VWF: variants seen among roughly 807,000 people sequenced by gnomAD.
VWF encodes the protein von Willebrand factor.
Under a neutral mutation model 308.6 loss-of-function variants are expected in VWF, and 176 were observed. The ratio of observed to expected loss-of-function variants is 0.57; its 90% CI spans 0.50 to 0.65. The LOEUF is 0.65. VWF is among the 30% of genes least tolerant of loss of function. The pLI, the probability that VWF is intolerant of heterozygous loss-of-function variation, is 0.00. For synonymous variants in VWF, 1,385 were observed against 1,443.4 expected, an observed-to-expected ratio of 0.96 and a Z score of 0.92; for missense variants, 3,146 against 3,648.2, an observed-to-expected ratio of 0.86 and a Z score of 3.55.
rs1944611675 is a variant in VWF, at chr12:6,058,190, G to A, written c.1534-146C>T. 3 of 902,942 alleles carry A rather than the reference G, an allele frequency of 3.3e-6. No individual in the cohort carries two copies. Among genetic ancestry groups the A allele is most frequent in the Non-Finnish European group, 5.0e-6 (3 of 604,998 alleles). 55.9% of individuals were successfully genotyped at this position (902,942 alleles called of 1,614,324 possible). The stretch of plus-strand genomic sequence containing the variant: ...TGTAATAAAAGGCAGCTAAGCCCTA[G>A]GCTGCAAAAGGGGGGGCGGGGGAAA... On this transcript the variant is annotated intron_variant, in intron 13 of 51. Coordinates refer to ENST00000261405, the MANE Select transcript of VWF (RefSeq NM_000552.5). The surrounding 1 kb of genome is among the most constrained non-coding windows in gnomAD (Gnocchi z 4.9).
At chr12:6,037,488 G>A (rs1048762151) in intron 18 of VWF, among the ~76,000 whole-genome samples, 18 of 152,220 alleles carry the variant, frequency 1.2e-4, no homozygotes, top group Non-Finnish European at 1.3e-4. Context: ...AACTACTTTC[G>A]TGAGCATGTT....
At chr12:5,966,095 G>A (rs1277971024) in intron 47 of VWF, among the ~76,000 whole-genome samples, 2 of 152,290 alleles carry the variant, frequency 1.3e-5, no homozygotes, top group East Asian at 1.9e-4. Context: ...CTGCCCTCCA[G>A]AGAGCAGGCT....
chr12:6,091,443 C>A (rs900760971), intron 6 of VWF, among the ~76,000 whole-genome samples: 2 of 152,178 alleles, frequency 1.3e-5, no homozygotes, highest in Non-Finnish European at 2.9e-5. Context: ...AGATAAATTA[C>A]ACCACCAATT....
In VWF at chr12:5,981,948, G is replaced by A; in HGVS notation, c.7125C>T (p.Cys2375=). Residue 2375 remains cysteine, a synonymous_variant, in exon 42 of 52, where the codon TGC becomes TGT. Transcript: ENST00000261405. The stretch of plus-strand genomic sequence containing the variant: ...GAAGGGTGGGCAAACGGTGCGGGGG[G>A]CAGGAGGGTGGGGACACTCTTTTGC... ...EECKRVSPPS[C]PPHRLPTLRK... 6.2e-7 allele frequency: 1 copy of A among 1,610,582 alleles called. No individual in the cohort carries two copies. The highest frequency in any genetic ancestry group is 8.5e-7 in the Non-Finnish European group (1 of 1,178,200).
In VWF at chr12:6,075,432, C is replaced by G. The variant is rs772735264; in HGVS notation, c.777G>C (p.Gly259=). 2 of 1,614,176 alleles carry G rather than the reference C, an allele frequency of 1.2e-6. No individual in the cohort carries two copies. Among genetic ancestry groups the G allele is most frequent in the Middle Eastern group, 3.3e-4 (2 of 6,062 alleles). The change falls in exon 7 of 52, where the codon GGG becomes GGC. Residue 259 remains glycine, a synonymous_variant. Coordinates refer to ENST00000261405, the MANE Select transcript of VWF (RefSeq NM_000552.5). This position sits in a 1 kb window ranked among gnomAD's most constrained non-coding sequence, Gnocchi z 4.7. ...GGGCAGGGCAGGCGCACTCCAGCCC[C>G]CCAGCACACTCACACAAAGTCTTCT... is the stretch of plus-strand genomic sequence containing the variant. The part of the protein sequence containing the change: ...LCEKTLCECA[G]GLECACPALL...
At chr12:5,968,660 G>A (rs910230740) in intron 45 of VWF, among the ~76,000 whole-genome samples, 5 of 152,080 alleles carry the variant, frequency 3.3e-5, no homozygotes, top group African/African-American at 1.2e-4. Flanking sequence ...GCCGAGTGTG[G>A]TGGCGCACGC....
rs546353049 is a variant in VWF, at chr12:6,022,500, G to C, written c.3538+240C>G. ...CCACTGCAGAAAGTTCTATCGGCAG[G>C]GGCTGCTTTAGGTGAGAATCCCATA... is the stretch of plus-strand genomic sequence containing the variant. On this transcript the variant is annotated intron_variant, in intron 26 of 51. Coordinates refer to ENST00000261405, the MANE Select transcript of VWF (RefSeq NM_000552.5). Among the ~76,000 whole-genome samples, 16 of 150,592 alleles carry C rather than the reference G, an allele frequency of 1.1e-4. No individual in the cohort carries two copies. The East Asian group carries it at 3.1e-3, about 30-fold the overall frequency.
intron 19 of VWF, among the ~76,000 whole-genome samples, chr12:6,035,143 G>A (rs1034299919): frequency 1.3e-5 from 2 of 152,274 alleles, no homozygotes; most frequent in East Asian, 3.9e-4. Context: ...TTATGAATTC[G>A]CTCAGCCTCA....
chr12:6,036,222 T>C (rs1173828824), intron 19 of VWF, among the ~76,000 whole-genome samples, 166 bp downstream of exon 19: 1 of 152,166 alleles, frequency 6.6e-6, no homozygotes, highest in Non-Finnish European at 1.5e-5. Flanking sequence ...ATGAAAAAGA[T>C]TCTCCCCATT....
rs1215345474 is a variant in VWF, at chr12:6,046,288, TTCTC to T, written c.2281+431_2281+434del. On this transcript the variant is annotated intron_variant, in intron 17 of 51. Coordinates refer to ENST00000261405, the MANE Select transcript of VWF (RefSeq NM_000552.5). The surrounding 1 kb of genome is among the most constrained non-coding windows in gnomAD (Gnocchi z 5.0). ...AGAGCAACGGACCCAACCCTTCTCTTTCTCTCTTTCAAACCCATCCAAGAAGCTT... is the reference window on the plus strand; with the variant it reads ...AGAGCAACGGACCCAACCCTTCTCTTTCTTTCAAACCCATCCAAGAAGCTT... 6.6e-6 allele frequency among the ~76,000 whole-genome samples: 1 copy of T among 152,130 alleles called. No individual in the cohort carries two copies. The highest frequency in any genetic ancestry group is 1.5e-5 in the Non-Finnish European group (1 of 68,028).
In VWF at chr12:5,952,387, T is replaced by C. The variant is rs768136976; in HGVS notation, c.8115+4A>G. ...GTAAAGAGGAAAGCAGAATGAGTAC[T>C]CACTCCCTCAGCCAGACACTTGTGT... is the stretch of plus-strand genomic sequence containing the variant. On this transcript the variant is annotated splice_donor_region_variant and intron_variant, in intron 49 of 51. Transcript: ENST00000261405. 1.9e-6 allele frequency: 3 copies of C among 1,613,908 alleles called. No homozygotes were observed. The highest frequency in any genetic ancestry group is 2.5e-6 in the Non-Finnish European group (3 of 1,179,822).
chr12:5,959,622 A>G (rs1253438495), intron 47 of VWF, among the ~76,000 whole-genome samples: 2 of 152,142 alleles, frequency 1.3e-5, no homozygotes, highest in East Asian at 3.9e-4. Context: ...AAGTAAATAA[A>G]TGTCAAGATT....
chr12:6,090,811 C>A (rs1189457213), intron 6 of VWF, among the ~76,000 whole-genome samples: 3 of 152,194 alleles, frequency 2.0e-5, no homozygotes, highest in Non-Finnish European at 4.4e-5. Flanking sequence ...ATTCACAAAG[C>A]CAGTAAGTGA....
At chr12:6,031,854 CAT>C (rs1944267753) in intron 20 of VWF, among the ~76,000 whole-genome samples, 2 of 152,064 alleles carry the variant, frequency 1.3e-5, no homozygotes, top group Non-Finnish European at 2.9e-5. Flanking sequence ...AGGAAGGTGA[CAT>C]GTGGCCTGCT....
chr12:6,025,663 G>C lies in VWF; in HGVS notation c.3139C>G (p.His1047Asp). Residue 1047 changes from histidine (H) to aspartate (D), a missense_variant, in exon 24 of 52, where the codon CAT becomes GAT. By Grantham distance (81) the His-to-Asp change is moderately conservative (BLOSUM62 -1). Coordinates refer to ENST00000261405, the MANE Select transcript of VWF (RefSeq NM_000552.5). ...ATCGTCTGCTTCATGATGTTGTTAT[G>C]GCAGGTGGCAGGGGATGAGTCCAGA... ...VPLDSSPATC[H>D]NNIMKQTMVD... The C allele has an allele frequency of 6.4e-7, 1 of 1,565,706 alleles. No individual in the cohort carries two copies. The highest frequency in any genetic ancestry group is 2.2e-5 in the East Asian group (1 of 44,648).
At chr12:6,081,132 C>T (rs1031251868) in intron 6 of VWF, among the ~76,000 whole-genome samples, 1 of 152,222 alleles carries the variant, frequency 6.6e-6, no homozygotes, top group Non-Finnish European at 1.5e-5. Flanking sequence ...TCACCTCCTT[C>T]TCCACAGCTG....
chr12:5,971,112 C>G (rs1309175183), intron 44 of VWF, among the ~76,000 whole-genome samples: 4 of 152,128 alleles, frequency 2.6e-5, no homozygotes, highest in Non-Finnish European at 5.9e-5. Flanking sequence ...CCCAGCCAGA[C>G]CTGCAGAAAT....
intron 47 of VWF, among the ~76,000 whole-genome samples, chr12:5,955,280 G>A (rs12305676): frequency 0.28 from 42,745 of 151,378 alleles, 8,545 homozygotes; most frequent in African/African-American, 0.57. Context: ...GGTTAGTTAC[G>A]TATGTATACA....
In VWF at chr12:6,057,035, G is replaced by A. The variant is rs1944587512; in HGVS notation, c.1767C>T (p.Ser589=). 22 of 1,547,804 alleles carry A rather than the reference G, an allele frequency of 1.4e-5. No homozygotes were observed. Among genetic ancestry groups the A allele is most frequent in the Non-Finnish European group, 1.9e-5 (22 of 1,152,504 alleles). ...CACGATGGCAGGCCTCGAATGTGGGGGACGTCAGGACCGCGCACGCCTCCT... is the reference window on the plus strand; with the variant it reads ...CACGATGGCAGGCCTCGAATGTGGGAGACGTCAGGACCGCGCACGCCTCCT... ...FSEEACAVLT[S]PTFEACHRAV... is the part of the protein sequence containing the mutation. Residue 589 remains serine, a synonymous_variant, in exon 15 of 52, where the codon TCC becomes TCT. Transcript: ENST00000261405.
Sources: allele counts gnomAD v4.1 joint callset (sites outside exome capture counted in the v4.1 genomes callset), GRCh38; gene constraint gnomAD v4.1.1; non-coding constraint Gnocchi (gnomAD v3.1); transcripts MANE v1.5; gene names NCBI Gene and HGNC (gene_info 2026-07-23, HGNC 2026-07-21).